FAM13B: variants seen among roughly 807,000 people sequenced by gnomAD.
FAM13B encodes the protein family with sequence similarity 13 member B, also known as protein FAM13B.
Under a neutral mutation model 117.3 loss-of-function variants are expected in FAM13B, and 60 were observed. The observed-to-expected ratio is 0.51, with a 90% CI of 0.42 to 0.63. FAM13B has a LOEUF of 0.63. Ranked by LOEUF, FAM13B falls within the 30% of genes least tolerant of loss-of-function variation. FAM13B has a pLI of 0.00. For missense variants in FAM13B, 972 were observed against 1,091.9 expected, an observed-to-expected ratio of 0.89 and a Z score of 1.55; for synonymous variants, 332 against 356.1, an observed-to-expected ratio of 0.93 and a Z score of 0.76.
At chr5:137,992,305 A>G (rs1561504036) in intron 7 of FAM13B, among the ~76,000 whole-genome samples, 1 of 151,570 alleles carries the variant, frequency 6.6e-6, no homozygotes, top group Non-Finnish European at 1.5e-5. Flanking sequence ...AATTGAAAAA[A>G]AAAAAAGGCC....
chr5:137,980,440 CTTTTTT>C (rs11309404), intron 10 of FAM13B, among the ~76,000 whole-genome samples: 1 of 84,948 alleles, frequency 1.2e-5, no homozygotes. Context: ...ACACTAATTT[CTTTTTT>C]TTTTTTTTTT....
intron 20 of FAM13B, among the ~76,000 whole-genome samples, chr5:137,943,579 A>G (rs1159451989): frequency 6.6e-6 from 1 of 152,144 alleles, no homozygotes; most frequent in Non-Finnish European, 1.5e-5. Flanking sequence ...GCCCGCCTCT[A>G]CTAAAAATAC....
intron 7 of FAM13B, among the ~76,000 whole-genome samples, chr5:137,992,998 C>T (rs1779002208): frequency 1.5e-5 from 1 of 66,020 alleles, no homozygotes; most frequent in Non-Finnish European, 3.8e-5. Flanking sequence ...CAAGAGGATA[C>T]TTTACAACGA....
In FAM13B at chr5:137,986,433, C is replaced by A. The variant is rs968489753; in HGVS notation, c.1046+1028G>T. Among the ~76,000 whole-genome samples, 8 of 54,598 alleles carry A rather than the reference C, an allele frequency of 1.5e-4. No individual in the cohort carries two copies. In the South Asian group the frequency reaches 4.8e-3, roughly 32 times the overall value. The allele number at this position is 54,598 out of a possible 152,430, so 35.8% of individuals were successfully genotyped here. On this transcript the variant is annotated intron_variant, in intron 9 of 23. Coordinates refer to ENST00000689681, the MANE Select transcript of FAM13B (RefSeq NM_001385994.1). The stretch of plus-strand genomic sequence containing the variant: ...GGTACATTTTTCTCATCTTCCCCCC[C>A]CCAAAAAAAATTGATATATGAAAAA...
intron 7 of FAM13B, among the ~76,000 whole-genome samples, chr5:137,996,053 T>G (rs1399509323): frequency 2.0e-5 from 3 of 152,184 alleles, no homozygotes; most frequent in Non-Finnish European, 4.4e-5. Flanking sequence ...AAAAAGATAC[T>G]ACTACAGTCC....
chr5:138,000,027 T>C (rs1242379995), intron 7 of FAM13B, among the ~76,000 whole-genome samples: 2 of 152,134 alleles, frequency 1.3e-5, no homozygotes, highest in Admixed American at 6.5e-5. Flanking sequence ...ATGTAAAACA[T>C]TGCTACTAAA....
At chr5:137,981,711 G>C (rs1337510325) in intron 10 of FAM13B, among the ~76,000 whole-genome samples, 1 of 151,804 alleles carries the variant, frequency 6.6e-6, no homozygotes, top group Admixed American at 6.6e-5. Context: ...GCTTGAACCT[G>C]GGGGGCAGAG....
chr5:137,975,918 A>G (rs1202420464), intron 10 of FAM13B, among the ~76,000 whole-genome samples: 1 of 149,132 alleles, frequency 6.7e-6, no homozygotes, highest in Non-Finnish European at 1.5e-5. Context: ...GAAAGCAGAA[A>G]TGGGGGACGG....
At chr5:137,992,421 C>T (rs1322301505) in intron 7 of FAM13B, among the ~76,000 whole-genome samples, 1 of 151,168 alleles carries the variant, frequency 6.6e-6, no homozygotes, top group African/African-American at 2.4e-5. Context: ...TGGAGAAACC[C>T]CGTCTCTACT....
intron 11 of FAM13B, among the ~76,000 whole-genome samples, chr5:137,960,483 C>T (rs890816430): frequency 1.3e-4 from 20 of 152,038 alleles, no homozygotes; most frequent in African/African-American, 4.8e-4. Flanking sequence ...AAAGAAAAAC[C>T]TTTATAAAAT....
chr5:137,944,773 A>C (rs945821844), intron 20 of FAM13B, among the ~76,000 whole-genome samples: 26 of 152,188 alleles, frequency 1.7e-4, no homozygotes, highest in Middle Eastern at 3.4e-3. Flanking sequence ...CAAAAAAAAA[A>C]AAAAACAAAA....
chr5:138,009,131 C>A (rs1229039887), intron 6 of FAM13B, among the ~76,000 whole-genome samples: 1 of 152,172 alleles, frequency 6.6e-6, no homozygotes, highest in African/African-American at 2.4e-5. Flanking sequence ...CACAGCAAGA[C>A]TTTGTCTCAA....
chr5:138,018,546 C>T, intron 3 of FAM13B, 32 bp from the exon 4 acceptor site: 1 of 1,568,916 alleles, frequency 6.4e-7, no homozygotes, highest in African/African-American at 1.3e-5. Flanking sequence ...ATTCAATAAG[C>T]TGCAATGTCA....
intron 7 of FAM13B, among the ~76,000 whole-genome samples, chr5:138,000,168 C>G (rs998071671): frequency 6.6e-6 from 1 of 152,138 alleles, no homozygotes; most frequent in East Asian, 1.9e-4. Flanking sequence ...GAGACTAAGG[C>G]TGGAGAATCA....
intron 7 of FAM13B, among the ~76,000 whole-genome samples, chr5:137,999,467 T>C (rs1780663071): frequency 6.6e-6 from 1 of 151,864 alleles, no homozygotes; most frequent in African/African-American, 2.4e-5. Flanking sequence ...TCCCAGCTAC[T>C]CAGGAGGCTG....
At chr5:138,010,829 A>G (rs1253763629) in intron 6 of FAM13B, among the ~76,000 whole-genome samples, 179 bp downstream of exon 6, 3 of 152,056 alleles carry the variant, frequency 2.0e-5, no homozygotes, top group African/African-American at 7.2e-5. Flanking sequence ...GGAGGACAGG[A>G]TGTTGTTCAG....
chr5:137,946,588 C>T (rs1581050906), intron 18 of FAM13B, among the ~76,000 whole-genome samples: 1 of 152,132 alleles, frequency 6.6e-6, no homozygotes, highest in Non-Finnish European at 1.5e-5. Flanking sequence ...GGGTAAATTA[C>T]CTAACCTCTT....
chr5:137,947,785 A>C (rs1763847607), intron 18 of FAM13B, among the ~76,000 whole-genome samples: 1 of 152,024 alleles, frequency 6.6e-6, no homozygotes, highest in Non-Finnish European at 1.5e-5. Flanking sequence ...GGGTTTCATC[A>C]TGTTGGCCAG....
chr5:137,996,742 C>T (rs1025718061), intron 7 of FAM13B, among the ~76,000 whole-genome samples: 5 of 152,120 alleles, frequency 3.3e-5, no homozygotes, highest in African/African-American at 1.2e-4. Context: ...CAGGCGCTCA[C>T]CAACATGCTC....
Sources: gnomAD v4.1 joint callset for allele counts (sites outside exome capture counted in the v4.1 genomes callset) on GRCh38, gnomAD v4.1.1 for gene constraint, MANE v1.5 for transcripts, NCBI Gene and HGNC (gene_info 2026-07-23, HGNC 2026-07-21) for gene names.